CDH12: variants seen among roughly 807,000 people sequenced by gnomAD.
The protein encoded by CDH12 is cadherin 12, also known as cadherin-12.
In CDH12, 41 loss-of-function variants were observed where a neutral mutation model predicts 74.1. The ratio of observed to expected loss-of-function variants is 0.55; its 90% CI spans 0.43 to 0.72. CDH12 has a LOEUF of 0.72. Ranked by LOEUF, CDH12 falls within the 30% of genes least tolerant of loss-of-function variation. CDH12 has a pLI of 0.00. For missense variants in CDH12, 945 were observed against 977.2 expected (o/e 0.97, Z 0.44); for synonymous variants, 399 against 355.0 (o/e 1.12, Z -1.39).
intron 6 of CDH12, among the ~76,000 whole-genome samples, chr5:21,892,776 T>C (rs1469924802): frequency 1.3e-5 from 2 of 152,182 alleles, no homozygotes; most frequent in Non-Finnish European, 2.9e-5. Flanking sequence ...TGATGCTGCC[T>C]GATTTGGTTT....
chr5:22,149,904 G>T (rs1747453116), intron 4 of CDH12, among the ~76,000 whole-genome samples: 1 of 152,180 alleles, frequency 6.6e-6, no homozygotes, highest in Non-Finnish European at 1.5e-5. Flanking sequence ...CTGAGGCAGA[G>T]AATTGCTTGA....
intron 6 of CDH12, among the ~76,000 whole-genome samples, chr5:21,933,840 C>T (rs1355020706): frequency 6.6e-6 from 1 of 152,130 alleles, no homozygotes; most frequent in Non-Finnish European, 1.5e-5. Context: ...GAATTCATTA[C>T]ACATTTGTTC....
intron 7 of CDH12, among the ~76,000 whole-genome samples, chr5:21,853,225 T>A (rs1750567594): frequency 6.6e-6 from 1 of 151,578 alleles, no homozygotes; most frequent in Non-Finnish European, 1.5e-5. Context: ...ATCACTTGTA[T>A]GGTAAGGTGT....
chr5:21,777,555 C>T (rs1745661269), intron 11 of CDH12, among the ~76,000 whole-genome samples: 1 of 149,250 alleles, frequency 6.7e-6, no homozygotes, highest in South Asian at 2.1e-4. Context: ...CAGAGTCTCA[C>T]TCTGTCACCC....
At chr5:22,193,232 A>G (rs1406276700) in intron 4 of CDH12, among the ~76,000 whole-genome samples, 3 of 152,226 alleles carry the variant, frequency 2.0e-5, no homozygotes, top group Non-Finnish European at 4.4e-5. Context: ...TTTAATGTGA[A>G]CTAAAGATAT....
At chr5:22,187,581 G>A (rs1750030593) in intron 4 of CDH12, among the ~76,000 whole-genome samples, 1 of 148,732 alleles carries the variant, frequency 6.7e-6, no homozygotes. Flanking sequence ...AACCTGGGCT[G>A]CCTACATTTC....
intron 9 of CDH12, among the ~76,000 whole-genome samples, chr5:21,815,144 C>CAT (rs1405084077): frequency 6.6e-6 from 1 of 151,936 alleles, no homozygotes; most frequent in African/African-American, 2.4e-5. Flanking sequence ...TTTTCATTAC[C>CAT]ATATATATTG....
At chr5:22,340,507 C>T (rs1395175116) in intron 3 of CDH12, among the ~76,000 whole-genome samples, 1 of 138,592 alleles carries the variant, frequency 7.2e-6, no homozygotes, top group Non-Finnish European at 1.5e-5. Flanking sequence ...GCCTGGGCAA[C>T]AGAAGGAGAC....
intron 1 of CDH12, among the ~76,000 whole-genome samples, chr5:22,751,745 A>T (rs535889754): frequency 6.6e-6 from 1 of 152,320 alleles, no homozygotes; most frequent in South Asian, 2.1e-4. Flanking sequence ...AGCAAAACAC[A>T]TCTAATAATC....
chr5:21,956,227 A>G (rs1231897624), intron 6 of CDH12, among the ~76,000 whole-genome samples: 3 of 152,086 alleles, frequency 2.0e-5, no homozygotes, highest in African/African-American at 7.2e-5. Flanking sequence ...ACTGAAATAC[A>G]GGTCAGTAGA....
At chr5:22,692,710 A>G (rs1716201891) in intron 1 of CDH12, among the ~76,000 whole-genome samples, 1 of 152,170 alleles carries the variant, frequency 6.6e-6, no homozygotes, top group Non-Finnish European at 1.5e-5. Flanking sequence ...AAGCAACAAA[A>G]TTATTAGAGA....
intron 3 of CDH12, among the ~76,000 whole-genome samples, chr5:22,372,754 G>A (rs1741350994): frequency 1.3e-5 from 2 of 152,212 alleles, no homozygotes; most frequent in South Asian, 4.1e-4. Context: ...CTTCCAGGTG[G>A]TGGGCCCACG....
intron 1 of CDH12, among the ~76,000 whole-genome samples, chr5:22,715,128 G>A (rs1743507280): frequency 6.6e-6 from 1 of 152,094 alleles, no homozygotes. Flanking sequence ...AGTAGCACAG[G>A]CACTCAATGC....
chr5:22,800,103 A>G (rs1481785457), intron 1 of CDH12, among the ~76,000 whole-genome samples: 1 of 152,200 alleles, frequency 6.6e-6, no homozygotes, highest in Non-Finnish European at 1.5e-5. Flanking sequence ...TTCAACTGAG[A>G]GTATTCAAGG....
intron 1 of CDH12, among the ~76,000 whole-genome samples, chr5:22,792,373 G>C (rs575493798): frequency 7.0e-4 from 107 of 152,290 alleles, no homozygotes; most frequent in African/African-American, 2.4e-3. Flanking sequence ...GCAGGCGTGA[G>C]CCACCACGCC....
chr5:22,405,583 C>A (rs1742908829), intron 2 of CDH12, among the ~76,000 whole-genome samples: 1 of 152,058 alleles, frequency 6.6e-6, no homozygotes, highest in Non-Finnish European at 1.5e-5. Flanking sequence ...ATCAGCATTG[C>A]CTAAGAAAGA....
chr5:22,551,850 CAAA>C (rs1738588027), intron 1 of CDH12, among the ~76,000 whole-genome samples: 1 of 152,066 alleles, frequency 6.6e-6, no homozygotes, highest in Admixed American at 6.6e-5. Flanking sequence ...ATTATAACAA[CAAA>C]AACATTAAAT....
chr5:22,529,832 A>T (rs545214665), intron 1 of CDH12, among the ~76,000 whole-genome samples: 2 of 152,210 alleles, frequency 1.3e-5, no homozygotes, highest in Non-Finnish European at 2.9e-5. Context: ...TTTCAAAAAC[A>T]CCATTCAATT....
intron 1 of CDH12, among the ~76,000 whole-genome samples, chr5:22,836,649 C>A (rs1736843271): frequency 6.6e-6 from 1 of 151,994 alleles, no homozygotes; most frequent in Admixed American, 6.6e-5. Flanking sequence ...TGTAAACTAA[C>A]AATTGTGATG....
Sources: allele counts gnomAD v4.1 joint callset (sites outside exome capture counted in the v4.1 genomes callset), GRCh38; gene constraint gnomAD v4.1.1; transcripts MANE v1.5; gene names NCBI Gene and HGNC (gene_info 2026-07-23, HGNC 2026-07-21).